Variants in MAGI3 observed in about 807,000 individuals in gnomAD.
MAGI3 encodes the protein membrane associated guanylate kinase, WW and PDZ domain containing 3.
MAGI3 carries 43 observed loss-of-function variants against 121.8 expected under a neutral mutation model. That is an observed-to-expected ratio of 0.35 (90% confidence interval 0.28 to 0.46). MAGI3 has a LOEUF of 0.46. Among genes scored for constraint, MAGI3 ranks in the 20% least tolerant of loss-of-function variants. The pLI, the probability that MAGI3 is intolerant of heterozygous loss-of-function variation, is 1.00. For synonymous variants in MAGI3, 553 were observed against 639.3 expected (o/e 0.86, Z 2.04); for missense variants, 1,547 against 1,797.3 (o/e 0.86, Z 2.52).
At chr1:113,680,620 G>A (rs987587918) in intron 19 of MAGI3, among the ~76,000 whole-genome samples, 49 of 152,190 alleles carry the variant, frequency 3.2e-4, no homozygotes, top group Middle Eastern at 3.4e-3. Context: ...AGCCGGGCGT[G>A]GTGGCGGGCG....
intron 10 of MAGI3, 93 bp from the exon 11 acceptor site, chr1:113,643,650 A>C (rs1652672372): frequency 8.5e-7 from 1 of 1,178,756 alleles, no homozygotes; most frequent in Non-Finnish European, 1.3e-6. Flanking sequence ...AGCGTACTAA[A>C]AGTTGAAGCT....
intron 15 of MAGI3, among the ~76,000 whole-genome samples, chr1:113,657,730 C>T (rs955585179): frequency 4.6e-5 from 7 of 152,202 alleles, no homozygotes; most frequent in African/African-American, 1.7e-4. Flanking sequence ...ACTCATAATG[C>T]CTGATATGAC....
intron 1 of MAGI3, among the ~76,000 whole-genome samples, chr1:113,408,348 T>C (rs1463226756): frequency 6.6e-6 from 1 of 152,144 alleles, no homozygotes. Context: ...CAATAGCTAG[T>C]AGTGTGAAGG....
chr1:113,559,461 CAAAG>C (rs948703059), intron 2 of MAGI3, among the ~76,000 whole-genome samples: 1 of 152,050 alleles, frequency 6.6e-6, no homozygotes, highest in Non-Finnish European at 1.5e-5. Context: ...TCAGAAAAGT[CAAAG>C]AAGGGCATTA....
chr1:113,414,659 G>T (rs1045379957), intron 1 of MAGI3, among the ~76,000 whole-genome samples: 2 of 151,674 alleles, frequency 1.3e-5, no homozygotes, highest in Non-Finnish European at 2.9e-5. Context: ...GTTTATTTGC[G>T]TACAGGTGTT....
chr1:113,542,851 T>C (rs989009716), intron 1 of MAGI3, among the ~76,000 whole-genome samples: 3 of 152,116 alleles, frequency 2.0e-5, no homozygotes, highest in Admixed American at 6.5e-5. Flanking sequence ...ATGTTTACAG[T>C]GTAGGCTCTG....
At chr1:113,505,125 G>T (rs1462296349) in intron 1 of MAGI3, among the ~76,000 whole-genome samples, 2 of 152,034 alleles carry the variant, frequency 1.3e-5, no homozygotes, top group African/African-American at 4.8e-5. Flanking sequence ...AACAGGAGTA[G>T]GAAGGAAAAG....
At chr1:113,660,791 TA>T (rs1571015007) in intron 16 of MAGI3, among the ~76,000 whole-genome samples, 1 of 132,114 alleles carries the variant, frequency 7.6e-6, no homozygotes, top group African/African-American at 3.1e-5. Context: ...TTTTTTGAGA[TA>T]GGGGTCTCAC....
At chr1:113,580,716 T>G in intron 3 of MAGI3, 55 bp downstream of exon 3, 1 of 1,470,150 alleles carries the variant, frequency 6.8e-7, no homozygotes, top group Non-Finnish European at 9.1e-7. Context: ...ACGACTGGAA[T>G]TATTTCAGAG....
intron 9 of MAGI3, among the ~76,000 whole-genome samples, chr1:113,640,087 C>G (rs915852494): frequency 6.6e-6 from 1 of 152,004 alleles, no homozygotes; most frequent in Non-Finnish European, 1.5e-5. Context: ...ACAGATACTT[C>G]TCAAAAAAAG....
At chr1:113,665,120 G>A (rs933042969) in intron 16 of MAGI3, among the ~76,000 whole-genome samples, 2 of 151,980 alleles carry the variant, frequency 1.3e-5, no homozygotes, top group African/African-American at 4.8e-5. Context: ...TTGTAATTTT[G>A]ATTTTTGTAC....
intron 1 of MAGI3, among the ~76,000 whole-genome samples, chr1:113,396,827 G>T (rs1441695348): frequency 6.6e-6 from 1 of 152,138 alleles, no homozygotes; most frequent in African/African-American, 2.4e-5. Flanking sequence ...TGACTCATTG[G>T]TAAGGAATAC....
rs536466824 is a variant in MAGI3 at position 113,473,511 on chromosome 1, C to T, written c.317-76004C>T. 3.4e-5 allele frequency among the ~76,000 whole-genome samples: 5 copies of T among 148,200 alleles called. No homozygotes were observed. The South Asian group carries it at 6.4e-4, about 19-fold the overall frequency. On this transcript the variant is annotated intron_variant, in intron 1 of 20. Coordinates refer to ENST00000307546, the MANE Select transcript of MAGI3 (RefSeq NM_001142782.2). ...ATTCCCACCTATGAGTGAGAACATG[C>T]AGTGTTTGGTTTTCTGTCCTTGTGA...
At chr1:113,668,235 T>C (rs1435396998) in intron 16 of MAGI3, among the ~76,000 whole-genome samples, 1 of 152,098 alleles carries the variant, frequency 6.6e-6, no homozygotes, top group Admixed American at 6.5e-5. Flanking sequence ...CTTCAATTTA[T>C]AAAAAATGCA....
At chr1:113,489,648 A>G (rs761641382) in intron 1 of MAGI3, among the ~76,000 whole-genome samples, 14 of 152,162 alleles carry the variant, frequency 9.2e-5, no homozygotes, top group Non-Finnish European at 1.5e-4. Context: ...AAATCAGGAT[A>G]AAACAATGCA....
At chr1:113,647,814 C>G (rs1440036635) in intron 12 of MAGI3, among the ~76,000 whole-genome samples, 3 of 152,094 alleles carry the variant, frequency 2.0e-5, no homozygotes, top group Non-Finnish European at 2.9e-5. Context: ...TGTAGAATCC[C>G]TTTCTTCATA....
chr1:113,483,959 A>G (rs1374446153), intron 1 of MAGI3, among the ~76,000 whole-genome samples: 1 of 152,042 alleles, frequency 6.6e-6, no homozygotes, highest in Non-Finnish European at 1.5e-5. Flanking sequence ...TGAGTTGCAG[A>G]TATTTTACCT....
At chr1:113,528,995 G>A (rs4839324) in intron 1 of MAGI3, among the ~76,000 whole-genome samples, 25,799 of 151,880 alleles carry the variant, frequency 0.17, 2,946 homozygotes, top group East Asian at 0.62. Context: ...ACTTGTTTTC[G>A]GTCAAAGTTT....
At chr1:113,635,360 G>A (rs950039383) in intron 9 of MAGI3, among the ~76,000 whole-genome samples, 2 of 152,150 alleles carry the variant, frequency 1.3e-5, no homozygotes, top group Non-Finnish European at 1.5e-5. Context: ...TTGGCTGTGG[G>A]TTTGTCATAG....
Sources: allele counts gnomAD v4.1 joint callset (sites outside exome capture counted in the v4.1 genomes callset), GRCh38; gene constraint gnomAD v4.1.1; transcripts MANE v1.5; gene names NCBI Gene and HGNC (gene_info 2026-07-23, HGNC 2026-07-21).